PTPRD: variants seen among roughly 807,000 people sequenced by gnomAD.
The protein encoded by PTPRD is protein tyrosine phosphatase receptor type D.
PTPRD carries 34 observed loss-of-function variants against 214.5 expected under a neutral mutation model. That is an observed-to-expected ratio of 0.16 (90% CI 0.12 to 0.21). PTPRD has a LOEUF of 0.21. Among genes scored for constraint, PTPRD ranks in the 10% least tolerant of loss-of-function variants. The pLI is 1.00. For synonymous variants in PTPRD, 1,128 were observed against 845.7 expected (o/e 1.33, Z -5.79); for missense variants, 2,545 against 2,398.7 (o/e 1.06, Z -1.27).
chr9:8,342,305 C>T (rs1385554215), intron 39 of PTPRD, among the ~76,000 whole-genome samples: 1 of 152,000 alleles, frequency 6.6e-6, no homozygotes, highest in Non-Finnish European at 1.5e-5. Flanking sequence ...AAAATACAAA[C>T]ATTTAGTCTG....
chr9:10,355,191 TAAGA>T (rs1431110342), intron 2 of PTPRD, among the ~76,000 whole-genome samples: 2 of 152,262 alleles, frequency 1.3e-5, no homozygotes, highest in Non-Finnish European at 2.9e-5. Context: ...TTTAAGTTAT[TAAGA>T]AACGTATGAG....
At chr9:10,482,435 C>T (rs532944499) in intron 2 of PTPRD, among the ~76,000 whole-genome samples, 66 of 151,544 alleles carry the variant, frequency 4.4e-4, no homozygotes, top group Non-Finnish European at 8.1e-4. Flanking sequence ...AATAATTAGG[C>T]AAGATAAAGA....
At chr9:10,502,096 G>A (rs1165709302) in intron 2 of PTPRD, among the ~76,000 whole-genome samples, 5 of 151,820 alleles carry the variant, frequency 3.3e-5, no homozygotes, top group Admixed American at 3.3e-4. Flanking sequence ...GAGGTCCCAA[G>A]CAAGAGAAAA....
At chr9:8,398,380 G>A (rs922963072) in intron 36 of PTPRD, among the ~76,000 whole-genome samples, 1 of 152,058 alleles carries the variant, frequency 6.6e-6, no homozygotes, top group South Asian at 2.1e-4. Flanking sequence ...TCAGGAAAGA[G>A]GTTCCTGAGC....
At chr9:8,794,364 CGTTAG>C (rs1388017864) in intron 11 of PTPRD, among the ~76,000 whole-genome samples, 1 of 152,052 alleles carries the variant, frequency 6.6e-6, no homozygotes, top group Non-Finnish European at 1.5e-5. Context: ...TACTGCTGCC[CGTTAG>C]GTTACACTCT....
intron 9 of PTPRD, among the ~76,000 whole-genome samples, chr9:9,196,722 C>T (rs1417357248): frequency 6.6e-6 from 1 of 152,056 alleles, no homozygotes; most frequent in Non-Finnish European, 1.5e-5. Flanking sequence ...AATATGTATG[C>T]AATACATAAA....
chr9:10,137,978 G>C (rs1383823803), intron 3 of PTPRD, among the ~76,000 whole-genome samples: 3 of 151,772 alleles, frequency 2.0e-5, no homozygotes, highest in African/African-American at 7.3e-5. Flanking sequence ...CACACCTAGA[G>C]GAATTAGAAA....
At chr9:8,909,722 AT>A (rs1443570071) in intron 11 of PTPRD, among the ~76,000 whole-genome samples, 1 of 152,116 alleles carries the variant, frequency 6.6e-6, no homozygotes, top group Admixed American at 6.6e-5. Context: ...TTCTGGAACC[AT>A]GTAAACATCA....
chr9:10,024,311 G>A (rs2096879301), intron 4 of PTPRD, among the ~76,000 whole-genome samples: 1 of 152,088 alleles, frequency 6.6e-6, no homozygotes, highest in Admixed American at 6.6e-5. Flanking sequence ...GAACCAGGAA[G>A]GCAATTTTCT....
chr9:9,874,071 A>G (rs1019035630), intron 5 of PTPRD, among the ~76,000 whole-genome samples: 2 of 152,164 alleles, frequency 1.3e-5, no homozygotes, highest in Non-Finnish European at 2.9e-5. Flanking sequence ...TAGGACAAAA[A>G]CATTTTAAAG....
At chr9:8,846,708 G>A (rs1000368883) in intron 11 of PTPRD, among the ~76,000 whole-genome samples, 10 of 152,250 alleles carry the variant, frequency 6.6e-5, no homozygotes, top group South Asian at 6.2e-4. Context: ...ACTTTAGTAT[G>A]GCTCAAGTGT....
intron 3 of PTPRD, among the ~76,000 whole-genome samples, chr9:10,289,470 G>A (rs1392395979): frequency 6.6e-6 from 1 of 152,078 alleles, no homozygotes; most frequent in Admixed American, 6.6e-5. Flanking sequence ...AGGCAAAGGA[G>A]GTCCCCCAAA....
chr9:9,462,853 C>T (rs951574866), intron 8 of PTPRD, among the ~76,000 whole-genome samples: 2 of 152,116 alleles, frequency 1.3e-5, no homozygotes, highest in Non-Finnish European at 2.9e-5. Flanking sequence ...CCCTCTTCTA[C>T]CCCCTTAGTC....
chr9:8,782,446 C>G (rs557833730), intron 11 of PTPRD, among the ~76,000 whole-genome samples: 9 of 152,228 alleles, frequency 5.9e-5, no homozygotes, highest in African/African-American at 1.9e-4. Context: ...CCTGAACTTA[C>G]TCCTCCTATC....
At chr9:8,774,427 G>T (rs982635677) in intron 11 of PTPRD, among the ~76,000 whole-genome samples, 1 of 148,898 alleles carries the variant, frequency 6.7e-6, no homozygotes, top group Admixed American at 6.7e-5. Flanking sequence ...TGAAGATGAA[G>T]AAAAAACAGG....
At chr9:9,538,166 C>G (rs1168991237) in intron 8 of PTPRD, among the ~76,000 whole-genome samples, 5 of 151,846 alleles carry the variant, frequency 3.3e-5, no homozygotes, top group African/African-American at 1.2e-4. Flanking sequence ...TTTCAAATCA[C>G]TAAACTGAAA....
chr9:10,051,173 G>C (rs1423262205), intron 3 of PTPRD, among the ~76,000 whole-genome samples: 1 of 151,974 alleles, frequency 6.6e-6, no homozygotes, highest in East Asian at 1.9e-4. Context: ...TTTAAGCAAA[G>C]GGCTCATTTT....
intron 9 of PTPRD, among the ~76,000 whole-genome samples, chr9:9,340,752 C>G (rs2780070): frequency 0.061 from 9,211 of 152,210 alleles, 935 homozygotes; most frequent in African/African-American, 0.21. Context: ...AGAATAAACA[C>G]AAGTCAATGG....
At chr9:10,360,959 G>T (rs769118891) in intron 2 of PTPRD, among the ~76,000 whole-genome samples, 2 of 151,874 alleles carry the variant, frequency 1.3e-5, no homozygotes, top group East Asian at 1.9e-4. Flanking sequence ...AAAATTAGCC[G>T]GGCGTGGTGC....
Sources: allele counts gnomAD v4.1 joint callset (sites outside exome capture counted in the v4.1 genomes callset), GRCh38; gene constraint gnomAD v4.1.1; transcripts MANE v1.5; gene names NCBI Gene and HGNC (gene_info 2026-07-23, HGNC 2026-07-21).